WWOX: variants seen among roughly 807,000 people sequenced by gnomAD.
WWOX encodes WW domain containing oxidoreductase.
WWOX carries 69 observed loss-of-function variants against 46.2 expected under a neutral mutation model. The observed-to-expected ratio is 1.49, with a 90% CI of 1.23 to 1.82. The LOEUF is 1.82. Ranked by LOEUF, WWOX falls within the 40% of genes most tolerant of loss-of-function variation. The pLI, the probability that WWOX is intolerant of heterozygous loss-of-function variation, is 0.00. For synonymous variants in WWOX, 359 were observed against 202.6 expected, an observed-to-expected ratio of 1.77 and a Z score of -6.56; for missense variants, 919 against 542.6, an observed-to-expected ratio of 1.69 and a Z score of -6.89.
At chr16:79,144,577 G>C (rs2050150245) in intron 8 of WWOX, among the ~76,000 whole-genome samples, 1 of 151,880 alleles carries the variant, frequency 6.6e-6, no homozygotes, top group Non-Finnish European at 1.5e-5. Context: ...TTGAATTTTG[G>C]AGTGCATTAA....
At chr16:78,710,602 C>T (rs899066933) in intron 8 of WWOX, among the ~76,000 whole-genome samples, 1 of 144,408 alleles carries the variant, frequency 6.9e-6, no homozygotes, top group East Asian at 2.0e-4. Context: ...TAAATATATA[C>T]ATATATGTGT....
intron 8 of WWOX, among the ~76,000 whole-genome samples, chr16:79,145,085 A>C (rs923890139): frequency 2.0e-5 from 3 of 152,174 alleles, no homozygotes; most frequent in Non-Finnish European, 4.4e-5. Context: ...GAATGGTGCC[A>C]CTGATTATGG....
intron 8 of WWOX, among the ~76,000 whole-genome samples, chr16:78,697,500 T>C (rs998178496): frequency 2.6e-5 from 4 of 152,144 alleles, no homozygotes; most frequent in African/African-American, 9.7e-5. Context: ...TATACAAATC[T>C]ATACGTCTAT....
chr16:78,963,967 T>A (rs546346327), intron 8 of WWOX, among the ~76,000 whole-genome samples: 222 of 152,254 alleles, frequency 1.5e-3, no homozygotes, highest in African/African-American at 5.1e-3. Context: ...GTTTCTGCAG[T>A]TTTTCTCTTG....
chr16:78,680,923 T>A (rs2047714840), intron 8 of WWOX, among the ~76,000 whole-genome samples: 1 of 152,018 alleles, frequency 6.6e-6, no homozygotes, highest in African/African-American at 2.4e-5. Context: ...CCAGCCTGGG[T>A]AACATAGTGA....
intron 5 of WWOX, among the ~76,000 whole-genome samples, chr16:78,279,571 A>G (rs1403024967): frequency 6.6e-6 from 1 of 152,192 alleles, no homozygotes; most frequent in Non-Finnish European, 1.5e-5. Context: ...GTTAAATGCT[A>G]TATGGAAGCC....
intron 8 of WWOX, among the ~76,000 whole-genome samples, chr16:78,922,810 A>C (rs769452558): frequency 3.3e-5 from 5 of 152,168 alleles, no homozygotes; most frequent in Non-Finnish European, 5.9e-5. Context: ...AAGGAACTGG[A>C]GCTTGGGGGT....
intron 8 of WWOX, among the ~76,000 whole-genome samples, chr16:78,963,684 T>C (rs377019516): frequency 3.1e-4 from 47 of 152,318 alleles, no homozygotes; most frequent in Non-Finnish European, 5.9e-4. Context: ...GTATGGACTT[T>C]CTGCCAGACA....
At chr16:78,516,020 T>C (rs2043228015) in intron 8 of WWOX, among the ~76,000 whole-genome samples, 1 of 152,090 alleles carries the variant, frequency 6.6e-6, no homozygotes, top group Non-Finnish European at 1.5e-5. Flanking sequence ...TCCCCTTCCC[T>C]GCTCCCTCTC....
At chr16:78,313,837 C>T (rs2080298996) in intron 5 of WWOX, among the ~76,000 whole-genome samples, 1 of 152,128 alleles carries the variant, frequency 6.6e-6, no homozygotes, top group African/African-American at 2.4e-5. Flanking sequence ...GTTTAAGGAG[C>T]TCAGCATTTA....
At chr16:78,155,949 T>C (rs2151726602) in intron 4 of WWOX, among the ~76,000 whole-genome samples, 1 of 152,366 alleles carries the variant, frequency 6.6e-6, no homozygotes, top group East Asian at 1.9e-4. Context: ...AAAGTGTTAT[T>C]GTCCTTCCTG....
intron 8 of WWOX, among the ~76,000 whole-genome samples, chr16:79,180,475 G>C (rs1433494715): frequency 6.6e-6 from 1 of 152,184 alleles, no homozygotes; most frequent in Non-Finnish European, 1.5e-5. Flanking sequence ...TGCTGCCTCT[G>C]TAACCAGGCT....
intron 5 of WWOX, among the ~76,000 whole-genome samples, chr16:78,225,285 G>T (rs1485766090): frequency 6.6e-6 from 1 of 152,150 alleles, no homozygotes; most frequent in African/African-American, 2.4e-5. Context: ...CATAGAAAAG[G>T]TACAGTGAAA....
At chr16:78,517,609 C>A (rs1252818964) in intron 8 of WWOX, among the ~76,000 whole-genome samples, 1 of 152,020 alleles carries the variant, frequency 6.6e-6, no homozygotes, top group East Asian at 1.9e-4. Flanking sequence ...TGAAGTATCC[C>A]TCTGCGTCGC....
At chr16:78,437,147 G>A (rs937370737) in intron 8 of WWOX, among the ~76,000 whole-genome samples, 8 of 152,168 alleles carry the variant, frequency 5.3e-5, no homozygotes, top group African/African-American at 1.2e-4. Context: ...ACTTGCGCTC[G>A]GAAGCCCTGC....
At chr16:78,818,278 C>T (rs1050497466) in intron 8 of WWOX, among the ~76,000 whole-genome samples, 1 of 152,214 alleles carries the variant, frequency 6.6e-6, no homozygotes, top group Non-Finnish European at 1.5e-5. Flanking sequence ...CATCTACTTT[C>T]CAGTGTGGAC....
At chr16:78,967,280 C>G (rs145775078) in intron 8 of WWOX, among the ~76,000 whole-genome samples, 248 of 137,054 alleles carry the variant, frequency 1.8e-3, no homozygotes, top group African/African-American at 6.2e-3. Flanking sequence ...TCCTGCCTGC[C>G]GAGGCCTTTT....
intron 8 of WWOX, among the ~76,000 whole-genome samples, chr16:79,118,076 A>T (rs1597390512): frequency 6.6e-6 from 1 of 152,240 alleles, no homozygotes; most frequent in Admixed American, 6.5e-5. Context: ...CTTTCAGCCT[A>T]TGTCAGTTTT....
chr16:78,415,290 G>T (rs1233165638), intron 6 of WWOX, among the ~76,000 whole-genome samples: 1 of 151,976 alleles, frequency 6.6e-6, no homozygotes, highest in Non-Finnish European at 1.5e-5. Context: ...CTCTTAGCGT[G>T]CTAATGGATT....
Sources: allele counts gnomAD v4.1 joint callset (sites outside exome capture counted in the v4.1 genomes callset), GRCh38; gene constraint gnomAD v4.1.1; transcripts MANE v1.5; gene names NCBI Gene and HGNC (gene_info 2026-07-23, HGNC 2026-07-21).